Variants in PDGFA observed in about 807,000 individuals in gnomAD.
The protein encoded by PDGFA is platelet-derived growth factor subunit A.
A neutral mutation model predicts 25.6 loss-of-function variants in PDGFA; 9 were observed. The ratio of observed to expected loss-of-function variants is 0.35; its 90% CI spans 0.21 to 0.61. The LOEUF (loss-of-function observed/expected upper bound fraction) is 0.61, where lower values mean the gene tolerates loss of function less well. PDGFA is among the 20% of genes least tolerant of loss of function. PDGFA has a pLI of 0.75. For missense variants in PDGFA, 242 were observed against 272.8 expected (o/e 0.89, Z 0.79); for synonymous variants, 133 against 111.8 (o/e 1.19, Z -1.20).
chr7:519,098 T>G, exon 1 of PDGFA: 3 of 861,842 alleles, frequency 3.5e-6, no homozygotes, highest in Non-Finnish European at 5.1e-6. Context: ...TACCATCCCT[T>G]AGGGAGCGCG....
intron 2 of PDGFA, among the ~76,000 whole-genome samples, chr7:514,774 CAGG>C (rs977583502): frequency 6.6e-6 from 1 of 152,256 alleles, no homozygotes; most frequent in African/African-American, 2.4e-5. Context: ...CCACTGCACA[CAGG>C]ACAAACAGGC....
At chr7:499,977 TAGCCAAC>T (rs1367427656) in intron 5 of PDGFA, among the ~76,000 whole-genome samples, 8 of 152,090 alleles carry the variant, frequency 5.3e-5, no homozygotes, top group African/African-American at 1.7e-4. Flanking sequence ...TCCAACACAG[TAGCCAAC>T]AGCCCTGCAC....
At chr7:510,233 C>T (rs1005099579) in intron 4 of PDGFA, among the ~76,000 whole-genome samples, 8 of 152,096 alleles carry the variant, frequency 5.3e-5, no homozygotes, top group African/African-American at 7.2e-5. Flanking sequence ...GCAGAAGCCC[C>T]GGCCGGCCCT....
At chr7:507,456 G>A (rs934666432) in intron 4 of PDGFA, among the ~76,000 whole-genome samples, 7 of 152,338 alleles carry the variant, frequency 4.6e-5, no homozygotes, top group Admixed American at 1.3e-4. Flanking sequence ...AGAGGGTGCT[G>A]GAAGCCTCTA....
chr7:508,114 G>A (rs1782642073), intron 4 of PDGFA, among the ~76,000 whole-genome samples: 1 of 152,120 alleles, frequency 6.6e-6, no homozygotes, highest in East Asian at 1.9e-4. Context: ...CGTGTGACGA[G>A]GAAACGACCC....
At chr7:511,327 GACT>G (rs1782830609) in intron 3 of PDGFA, among the ~76,000 whole-genome samples, 1 of 88,014 alleles carries the variant, frequency 1.1e-5, no homozygotes, top group African/African-American at 7.3e-5. Context: ...TGGGGCCAGA[GACT>G]GGGGGTGGGG....
At chr7:501,275 C>T (rs767375180) in intron 4 of PDGFA, 33 bp from the exon 5 acceptor site, 7 of 1,612,846 alleles carry the variant, frequency 4.3e-6, no homozygotes, top group Non-Finnish European at 5.9e-6. Context: ...GCCATGAATG[C>T]CTGCATGGAG....
At chr7:498,730 T>A (rs1782201639) in intron 5 of PDGFA, among the ~76,000 whole-genome samples, 156 bp from the exon 6 acceptor site, 1 of 152,204 alleles carries the variant, frequency 6.6e-6, no homozygotes, top group South Asian at 2.1e-4. Flanking sequence ...CAGAATCACA[T>A]TTGCCACATT....
At chr7:505,015 A>G (rs530872625) in intron 4 of PDGFA, among the ~76,000 whole-genome samples, 1 of 152,386 alleles carries the variant, frequency 6.6e-6, no homozygotes, top group Admixed American at 6.5e-5. Flanking sequence ...TTTATCAAAC[A>G]AAAACAAACA....
rs559761482 is a variant in PDGFA, at chr7:499,170, G to A, written c.581-596C>T. ...GGGGTCTGTCACCAGCAGGCCCATG[G>A]AGGCCAGAGCCTAACGCTCTGTAGA... is the stretch of plus-strand genomic sequence containing the variant. On this transcript the variant is annotated intron_variant, in intron 5 of 5. Transcript: ENST00000402802. Among the ~76,000 whole-genome samples, 9 of 152,332 alleles carry A rather than the reference G, an allele frequency of 5.9e-5. 1 individual carries two copies. The South Asian group carries it at 1.9e-3, about 32-fold the overall frequency.
At chr7:515,422 A>T (rs1417345008) in intron 2 of PDGFA, among the ~76,000 whole-genome samples, 1 of 152,174 alleles carries the variant, frequency 6.6e-6, no homozygotes, top group African/African-American at 2.4e-5. Context: ...TACAAGCTGG[A>T]GGAGCAGCCG....
At chr7:515,211 C>T (rs111487889) in intron 2 of PDGFA, among the ~76,000 whole-genome samples, 18,747 of 152,150 alleles carry the variant, frequency 0.12, 1,268 homozygotes, top group Middle Eastern at 0.2. Context: ...AGGGAAAGTT[C>T]GTTGCGTTGG....
intron 4 of PDGFA, among the ~76,000 whole-genome samples, chr7:503,673 G>A (rs141199340): frequency 2.6e-4 from 40 of 152,342 alleles, no homozygotes; most frequent in Non-Finnish European, 5.1e-4. Context: ...CGGTCCCTAA[G>A]GCGCTGGGGA....
intron 4 of PDGFA, among the ~76,000 whole-genome samples, chr7:503,690 T>C (rs9692245): frequency 0.32 from 48,907 of 152,064 alleles, 8,231 homozygotes; most frequent in Non-Finnish European, 0.36. Flanking sequence ...GGGACCAGGC[T>C]TGTCCGAGGC....
Position 500,952 on chromosome 7 carries a change from C to G in PDGFA, c.580+164G>C, listed in dbSNP as rs781024760. ...ACACCTGCAGGTGTGGGATCCGTCT[C>G]CCCCGCAGGCATCTGGCCCGGGAGC... On this transcript the variant is annotated intron_variant, in intron 5 of 5. Transcript: ENST00000402802. The surrounding 1 kb of genome is among the most constrained non-coding windows in gnomAD (Gnocchi z 5.0). The G allele has an allele frequency of 2.5e-6, 4 of 1,594,986 alleles. No individual in the cohort carries two copies. The South Asian group carries it at 4.4e-5, about 18-fold the overall frequency.
chr7:497,711 A>C (rs1383060447), exon 6 of PDGFA: 2 of 152,038 alleles, frequency 1.3e-5, no homozygotes, highest in Non-Finnish European at 2.9e-5. Context: ...AGAAACACAA[A>C]GCCAGAAACA....
Position 500,591 on chromosome 7 carries a change from C to G in PDGFA, c.580+525G>C. ...ACAAATACCTACGGCATTTGTTTAT[C>G]TTTCCAGAAGAGAAGGCCAGCACCC... On this transcript the variant is annotated intron_variant, in intron 5 of 5. Coordinates refer to ENST00000402802, the Ensembl canonical transcript of PDGFA. This position sits in a 1 kb window ranked among gnomAD's most constrained non-coding sequence, Gnocchi z 5.0. 2 of 1,598,758 alleles carry G rather than the reference C, an allele frequency of 1.3e-6. No individual in the cohort carries two copies. Among genetic ancestry groups the G allele is most frequent in the South Asian group, 2.2e-5 (2 of 89,634 alleles).
chr7:501,832 T>C (rs1782353636), intron 4 of PDGFA, among the ~76,000 whole-genome samples: 1 of 152,170 alleles, frequency 6.6e-6, no homozygotes, highest in African/African-American at 2.4e-5. Flanking sequence ...TGTGGAAGTT[T>C]GGGAGTTCTG....
chr7:508,778 G>C (rs746542005), intron 4 of PDGFA, among the ~76,000 whole-genome samples: 5 of 152,106 alleles, frequency 3.3e-5, no homozygotes, highest in Non-Finnish European at 5.9e-5. Context: ...ATCCCTCCCA[G>C]ATGGGAGCCC....
Sources: gnomAD v4.1 joint callset for allele counts (sites outside exome capture counted in the v4.1 genomes callset) on GRCh38, gnomAD v4.1.1 for gene constraint, Gnocchi (gnomAD v3.1) non-coding constraint, MANE v1.5 for transcripts, NCBI Gene and HGNC (gene_info 2026-07-23, HGNC 2026-07-21) for gene names.